Variants in ATP8B4 observed in about 807,000 individuals in gnomAD.
ATP8B4 encodes probable phospholipid-transporting ATPase IM.
ATP8B4 carries 133 observed loss-of-function variants against 145.6 expected under a neutral mutation model. That is an observed-to-expected ratio of 0.91 (90% CI 0.79 to 1.05). The LOEUF is 1.05. Ranked by LOEUF, ATP8B4 falls within the 50% of genes least tolerant of loss-of-function variation. ATP8B4 has a pLI of 0.00. For synonymous variants in ATP8B4, 507 were observed against 492.9 expected (o/e 1.03, Z -0.38); for missense variants, 1,458 against 1,425.2 (o/e 1.02, Z -0.37).
At chr15:50,074,040 A>G (rs1419956600) in intron 3 of ATP8B4, 87 bp downstream of exon 3, 3 of 1,172,426 alleles carry the variant, frequency 2.6e-6, no homozygotes, top group Non-Finnish European at 2.4e-6. Flanking sequence ...GTTTTTGGTG[A>G]AGTCATAAAG....
intron 6 of ATP8B4, among the ~76,000 whole-genome samples, chr15:50,032,935 C>T (rs905927600): frequency 5.3e-5 from 8 of 152,110 alleles, no homozygotes; most frequent in African/African-American, 1.9e-4. Context: ...ATATATGCTG[C>T]TTTTATAAAG....
intron 1 of ATP8B4, among the ~76,000 whole-genome samples, chr15:50,139,353 G>A (rs544974337): frequency 8.6e-5 from 13 of 152,012 alleles, no homozygotes; most frequent in East Asian, 7.7e-4. Flanking sequence ...ACCAAACACC[G>A]CATGTTCTCA....
chr15:50,021,893 T>C (rs985157746), intron 6 of ATP8B4, among the ~76,000 whole-genome samples: 1 of 152,278 alleles, frequency 6.6e-6, no homozygotes, highest in South Asian at 2.1e-4. Flanking sequence ...TCACTCATAA[T>C]GTGTGCATAG....
At chr15:50,136,138 G>A (rs1293584078) in intron 1 of ATP8B4, among the ~76,000 whole-genome samples, 2 of 152,106 alleles carry the variant, frequency 1.3e-5, no homozygotes, top group Non-Finnish European at 2.9e-5. Context: ...AAGTAAACAA[G>A]ACCACCCCTC....
intron 1 of ATP8B4, among the ~76,000 whole-genome samples, chr15:50,108,076 C>A (rs991728495): frequency 6.6e-6 from 1 of 152,056 alleles, no homozygotes; most frequent in African/African-American, 2.4e-5. Context: ...GGTGTCGCTG[C>A]CGGGTGTTGC....
intron 2 of ATP8B4, among the ~76,000 whole-genome samples, chr15:50,099,736 C>T (rs889968827): frequency 6.6e-6 from 1 of 152,154 alleles, no homozygotes; most frequent in Non-Finnish European, 1.5e-5. Context: ...GACCTTTTTA[C>T]ATCTTAAAGA....
intron 8 of ATP8B4, among the ~76,000 whole-genome samples, chr15:49,999,784 C>T (rs1486166290): frequency 2.0e-5 from 3 of 152,078 alleles, no homozygotes; most frequent in African/African-American, 7.2e-5. Context: ...AGTTAAGATA[C>T]AGAACACTTC....
chr15:49,979,886 G>A (rs893906985), intron 11 of ATP8B4, 73 bp from the exon 12 acceptor site: 17 of 1,080,126 alleles, frequency 1.6e-5, no homozygotes, highest in South Asian at 4.0e-5. Flanking sequence ...ATCTAATTAC[G>A]CATCTAACTC....
intron 2 of ATP8B4, among the ~76,000 whole-genome samples, chr15:50,076,849 T>C (rs2054210851): frequency 6.6e-6 from 1 of 152,236 alleles, no homozygotes; most frequent in African/African-American, 2.4e-5. Flanking sequence ...TGCTACAGTT[T>C]TCTGTCTTTA....
In ATP8B4 at chr15:49,971,201, T is replaced by C. The variant is rs147144583; in HGVS notation, c.1243+1381A>G. Among the ~76,000 whole-genome samples the C allele has an allele frequency of 2.3e-4, 35 of 152,270 alleles. 1 individual carries two copies. The highest frequency in any genetic ancestry group is 7.8e-4 in the Admixed American group (12 of 15,296). On this transcript the variant is annotated intron_variant, in intron 13 of 27. Coordinates refer to ENST00000284509, the MANE Select transcript of ATP8B4 (RefSeq NM_024837.4). ...AACCTAGGCAATGCCATTCAGGACATAGGCATGGGCAAAGACTTCATGACT... is the reference window on the plus strand; with the variant it reads ...AACCTAGGCAATGCCATTCAGGACACAGGCATGGGCAAAGACTTCATGACT...
At chr15:49,947,273 T>C (rs1404647837) in intron 14 of ATP8B4, among the ~76,000 whole-genome samples, 3 of 151,694 alleles carry the variant, frequency 2.0e-5, no homozygotes, top group African/African-American at 7.3e-5. Flanking sequence ...TCTACTAAAA[T>C]ACAAAACATT....
intron 2 of ATP8B4, among the ~76,000 whole-genome samples, chr15:50,074,858 A>T (rs1212886619): frequency 6.6e-6 from 1 of 152,244 alleles, no homozygotes; most frequent in Non-Finnish European, 1.5e-5. Context: ...AGTGCCCCAG[A>T]AACACCGGCA....
At chr15:49,973,552 A>G (rs2045373662) in intron 12 of ATP8B4, among the ~76,000 whole-genome samples, 1 of 152,348 alleles carries the variant, frequency 6.6e-6, no homozygotes, top group South Asian at 2.1e-4. Flanking sequence ...TACTGAGTGA[A>G]AACAGGATGT....
At chr15:49,884,510 G>A (rs1344514226) in intron 23 of ATP8B4, among the ~76,000 whole-genome samples, 3 of 149,858 alleles carry the variant, frequency 2.0e-5, no homozygotes, top group East Asian at 2.0e-4. Flanking sequence ...GCTGAGGCAG[G>A]AGAATCACTT....
intron 13 of ATP8B4, among the ~76,000 whole-genome samples, chr15:49,962,813 C>T (rs1489370947): frequency 6.6e-6 from 1 of 151,896 alleles, no homozygotes; most frequent in East Asian, 1.9e-4. Context: ...GTATAGTAGC[C>T]CATGATTATA....
chr15:50,001,350 G>A (rs181400662), intron 8 of ATP8B4, among the ~76,000 whole-genome samples: 1 of 152,234 alleles, frequency 6.6e-6, no homozygotes, highest in African/African-American at 2.4e-5. Flanking sequence ...TCTGTCCAAA[G>A]TAGGGTCCCA....
intron 1 of ATP8B4, among the ~76,000 whole-genome samples, chr15:50,154,569 G>A (rs1255920839): frequency 2.0e-5 from 3 of 152,104 alleles, no homozygotes; most frequent in Non-Finnish European, 2.9e-5. Flanking sequence ...TTTCATAGAT[G>A]AGAACAATTT....
chr15:50,107,285 A>T (rs536368390), intron 1 of ATP8B4, among the ~76,000 whole-genome samples: 6 of 152,294 alleles, frequency 3.9e-5, no homozygotes, highest in Admixed American at 2.0e-4. Context: ...ATATATCTCA[A>T]ATCCTGTGAA....
intron 1 of ATP8B4, among the ~76,000 whole-genome samples, chr15:50,148,691 T>G (rs2044309069): frequency 6.6e-6 from 1 of 152,214 alleles, no homozygotes; most frequent in African/African-American, 2.4e-5. Context: ...AATTACCCAG[T>G]CTAAGGTACT....
Sources: allele counts gnomAD v4.1 joint callset (sites outside exome capture counted in the v4.1 genomes callset), GRCh38; gene constraint gnomAD v4.1.1; transcripts MANE v1.5; gene names NCBI Gene and HGNC (gene_info 2026-07-23, HGNC 2026-07-21).